Variants in NRXN1 observed in about 807,000 individuals in gnomAD.
NRXN1 encodes the protein neurexin 1.
In NRXN1, 39 loss-of-function variants were observed where a neutral mutation model predicts 150.9. The observed-to-expected ratio is 0.26, with a 90% confidence interval of 0.20 to 0.34. The LOEUF is 0.34. Among genes scored for constraint, NRXN1 ranks in the 10% least tolerant of loss-of-function variants. The pLI, the probability that NRXN1 is intolerant of heterozygous loss-of-function variation, is 1.00. For synonymous variants in NRXN1, 924 were observed against 757.0 expected (o/e 1.22, Z -3.62); for missense variants, 1,815 against 1,949.9 (o/e 0.93, Z 1.30).
At chr2:49,932,139 G>A (rs987146535) in intron 22 of NRXN1, among the ~76,000 whole-genome samples, 2 of 152,136 alleles carry the variant, frequency 1.3e-5, no homozygotes, top group Non-Finnish European at 2.9e-5. Context: ...GAGTTTGCTG[G>A]GCATGGTAAT....
At chr2:50,371,147 C>T (rs551725923) in intron 17 of NRXN1, among the ~76,000 whole-genome samples, 1 of 152,098 alleles carries the variant, frequency 6.6e-6, no homozygotes, top group African/African-American at 2.4e-5. Flanking sequence ...GTAAAATGGA[C>T]TCACCCTGGT....
intron 18 of NRXN1, among the ~76,000 whole-genome samples, chr2:50,147,413 T>C (rs1481852596): frequency 6.6e-6 from 1 of 151,724 alleles, no homozygotes; most frequent in Non-Finnish European, 1.5e-5. Context: ...ACTAAAAATT[T>C]AGATAATTGC....
intron 17 of NRXN1, among the ~76,000 whole-genome samples, chr2:50,270,431 G>T (rs2069439129): frequency 6.6e-6 from 1 of 152,042 alleles, no homozygotes; most frequent in African/African-American, 2.4e-5. Context: ...ATTACTATTT[G>T]TATTTGGAGT....
At chr2:50,842,654 T>C (rs1195355263) in intron 5 of NRXN1, among the ~76,000 whole-genome samples, 1 of 152,200 alleles carries the variant, frequency 6.6e-6, no homozygotes, top group Non-Finnish European at 1.5e-5. Flanking sequence ...CTGTGAGTAA[T>C]AAATTAGTAA....
chr2:50,459,214 A>G (rs1379191710), intron 17 of NRXN1, among the ~76,000 whole-genome samples: 2 of 152,158 alleles, frequency 1.3e-5, no homozygotes, highest in African/African-American at 4.8e-5. Flanking sequence ...CTATACTTTA[A>G]AAACACTCCT....
At chr2:50,706,793 T>A (rs188735736) in intron 5 of NRXN1, among the ~76,000 whole-genome samples, 1 of 151,956 alleles carries the variant, frequency 6.6e-6, no homozygotes, top group East Asian at 1.9e-4. Context: ...ATAAGTCATA[T>A]GAAAAGACAT....
At chr2:50,763,701 C>T (rs1702073632) in intron 5 of NRXN1, among the ~76,000 whole-genome samples, 1 of 151,780 alleles carries the variant, frequency 6.6e-6, no homozygotes, top group African/African-American at 2.4e-5. Context: ...CCACTTTTGC[C>T]TTGTAACTGC....
At chr2:50,068,137 A>T (rs1695646512) in intron 19 of NRXN1, among the ~76,000 whole-genome samples, 1 of 152,166 alleles carries the variant, frequency 6.6e-6, no homozygotes, top group Non-Finnish European at 1.5e-5. Flanking sequence ...AATGGACTTC[A>T]ATCTCTCTCT....
chr2:50,182,336 T>C (rs2060785824), intron 18 of NRXN1, among the ~76,000 whole-genome samples: 1 of 152,056 alleles, frequency 6.6e-6, no homozygotes, highest in Admixed American at 6.6e-5. Flanking sequence ...AAATGTATCA[T>C]TTAATGGAAA....
At chr2:50,962,555 C>T (rs1693376349) in intron 2 of NRXN1, among the ~76,000 whole-genome samples, 1 of 151,148 alleles carries the variant, frequency 6.6e-6, no homozygotes. Context: ...TGTTTAATTT[C>T]CCAAAGTAAC....
intron 18 of NRXN1, among the ~76,000 whole-genome samples, chr2:50,211,799 C>T (rs1181404324): frequency 6.6e-6 from 1 of 151,286 alleles, no homozygotes; most frequent in Non-Finnish European, 1.5e-5. Context: ...TCTTAGTCAA[C>T]CAGACTCCAT....
intron 2 of NRXN1, among the ~76,000 whole-genome samples, chr2:50,962,193 A>G (rs1238304680): frequency 1.3e-5 from 2 of 151,702 alleles, no homozygotes; most frequent in Non-Finnish European, 3.0e-5. Context: ...AATGTATTCT[A>G]CATCTGTCTG....
intron 8 of NRXN1, among the ~76,000 whole-genome samples, chr2:50,593,816 T>C (rs1425659254): frequency 1.3e-5 from 2 of 152,188 alleles, no homozygotes; most frequent in African/African-American, 4.8e-5. Flanking sequence ...CATCTTATTG[T>C]ATGACATATA....
chr2:50,244,496 C>A (rs543681320), intron 17 of NRXN1, among the ~76,000 whole-genome samples: 16 of 151,880 alleles, frequency 1.1e-4, no homozygotes, highest in African/African-American at 3.6e-4. Flanking sequence ...ATTATAAGGG[C>A]ATTAACTAAC....
chr2:50,232,389 T>TTC (rs2065026945), intron 18 of NRXN1, among the ~76,000 whole-genome samples: 1 of 108,598 alleles, frequency 9.2e-6, no homozygotes, highest in Non-Finnish European at 1.9e-5. Flanking sequence ...TTTCTTTTCT[T>TTC]TTTTTTTTTT....
chr2:50,533,166 G>A (rs778321257), intron 10 of NRXN1, among the ~76,000 whole-genome samples: 1 of 152,076 alleles, frequency 6.6e-6, no homozygotes, highest in Non-Finnish European at 1.5e-5. Flanking sequence ...AGGTCTCCCT[G>A]CTTAGGTTAG....
intron 18 of NRXN1, among the ~76,000 whole-genome samples, chr2:50,126,696 A>G (rs891983919): frequency 6.6e-6 from 1 of 151,980 alleles, no homozygotes; most frequent in Non-Finnish European, 1.5e-5. Context: ...TCTCATTAAC[A>G]TTAACAGAAA....
chr2:50,378,316 TG>T (rs1301846132), intron 17 of NRXN1, among the ~76,000 whole-genome samples: 12 of 152,182 alleles, frequency 7.9e-5, no homozygotes, highest in Non-Finnish European at 1.6e-4. Context: ...CAACTTAAGA[TG>T]GGGTTATCTC....
intron 5 of NRXN1, among the ~76,000 whole-genome samples, chr2:50,741,570 T>G (rs1699432420): frequency 6.6e-6 from 1 of 152,192 alleles, no homozygotes; most frequent in South Asian, 2.1e-4. Context: ...ACACATTTAT[T>G]TTAATGAAAA....
Sources: allele counts gnomAD v4.1 joint callset (sites outside exome capture counted in the v4.1 genomes callset), GRCh38; gene constraint gnomAD v4.1.1; transcripts MANE v1.5; gene names NCBI Gene and HGNC (gene_info 2026-07-23, HGNC 2026-07-21).